MIS18A: variants seen among roughly 807,000 people sequenced by gnomAD.
The protein encoded by MIS18A is MIS18 kinetochore protein A.
A neutral mutation model predicts 25.0 loss-of-function variants in MIS18A; 14 were observed. That is an observed-to-expected ratio of 0.56 (90% CI 0.37 to 0.88). The LOEUF is 0.88. Ranked by LOEUF, MIS18A falls within the 40% of genes least tolerant of loss-of-function variation. The pLI, the probability that MIS18A is intolerant of heterozygous loss-of-function variation, is 0.00. For synonymous variants in MIS18A, 134 were observed against 118.6 expected, an observed-to-expected ratio of 1.13 and a Z score of -0.84; for missense variants, 292 against 290.8, an observed-to-expected ratio of 1.00 and a Z score of -0.03.
At chr21:32,209,268 G>A in the MIS18A span, among the ~76,000 whole-genome samples, 1 of 152,138 alleles carries the variant, frequency 6.6e-6, no homozygotes, top group Non-Finnish European at 1.5e-5. Flanking sequence ...GAAACAATTT[G>A]CCAAAGTTTA....
the MIS18A span, among the ~76,000 whole-genome samples, chr21:32,198,920 A>AG: frequency 2.0e-5 from 3 of 151,892 alleles, no homozygotes; most frequent in African/African-American, 4.8e-5. Context: ...AAAAAAAAAA[A>AG]AGAAAGAAAG....
the MIS18A span, chr21:32,261,214 A>G: frequency 2.0e-5 from 3 of 152,196 alleles, no homozygotes; most frequent in African/African-American, 7.2e-5. Context: ...GCGGGCAATC[A>G]AGAAGAAAAT....
At chr21:32,185,105 G>C in the MIS18A span, among the ~76,000 whole-genome samples, 1 of 152,078 alleles carries the variant, frequency 6.6e-6, no homozygotes, top group Non-Finnish European at 1.5e-5. Flanking sequence ...TGTCAATCAA[G>C]GGACTCTTCA....
At chr21:32,164,059 C>T in the MIS18A span, among the ~76,000 whole-genome samples, 1 of 152,044 alleles carries the variant, frequency 6.6e-6, no homozygotes, top group Non-Finnish European at 1.5e-5. Context: ...AGAGTAAGAA[C>T]TCATTCATTA....
Position 32,279,029 on chromosome 21 carries a change from CCG to C in MIS18A, c.-17_-16del. ...ACGCCTGCCATTACCTACAAATCGCCCGCGCCCCAGAGCGCCATGGGAAAAAA... is the reference window on the plus strand; with the variant it reads ...ACGCCTGCCATTACCTACAAATCGCCCGCCCCAGAGCGCCATGGGAAAAAA... On this transcript the variant is annotated 5_prime_UTR_variant, in exon 1 of 5. The change abolishes the stop of an existing upstream ORF in the 5' untranslated region. Coordinates refer to ENST00000290130, the MANE Select transcript of MIS18A (RefSeq NM_018944.3). The C allele has an allele frequency of 1.3e-6, 2 of 1,583,072 alleles. No individual in the cohort carries two copies. Among genetic ancestry groups the C allele is most frequent in the Non-Finnish European group, 1.7e-6 (2 of 1,165,322 alleles).
chr21:32,202,649 C>G, the MIS18A span, among the ~76,000 whole-genome samples: 1 of 152,194 alleles, frequency 6.6e-6, no homozygotes, highest in Admixed American at 6.5e-5. Context: ...CCACATCCCC[C>G]CTTGGCAAAA....
chr21:32,229,362 G>A, the MIS18A span, among the ~76,000 whole-genome samples: 7 of 152,194 alleles, frequency 4.6e-5, no homozygotes, highest in African/African-American at 1.4e-4. Context: ...AGGGCAATCT[G>A]GGGTTTTGTG....
At chr21:32,173,969 T>G in the MIS18A span, among the ~76,000 whole-genome samples, 4 of 56,062 alleles carry the variant, frequency 7.1e-5, no homozygotes, top group Non-Finnish European at 1.3e-4. Flanking sequence ...TTTTTTTTTT[T>G]TTTTTTTTTT....
At chr21:32,211,125 T>G in the MIS18A span, among the ~76,000 whole-genome samples, 1 of 152,074 alleles carries the variant, frequency 6.6e-6, no homozygotes, top group Non-Finnish European at 1.5e-5. Flanking sequence ...ATTGCAACAT[T>G]TGCCTCCCGG....
chr21:32,270,375 T>C (rs781248063), intron 3 of MIS18A, 32 bp downstream of exon 3: 15 of 1,612,126 alleles, frequency 9.3e-6, no homozygotes, highest in Non-Finnish European at 1.3e-5. Flanking sequence ...GAAACACCAG[T>C]TGTGAGGTAA....
chr21:32,258,561 A>C, the MIS18A span, among the ~76,000 whole-genome samples: 1 of 152,162 alleles, frequency 6.6e-6, no homozygotes, highest in African/African-American at 2.4e-5. Flanking sequence ...AAACAAAACA[A>C]AAAGTCCGAC....
the MIS18A span, among the ~76,000 whole-genome samples, chr21:32,184,817 A>G: frequency 6.6e-6 from 1 of 151,806 alleles, no homozygotes; most frequent in African/African-American, 2.4e-5. Context: ...TCAACTACTC[A>G]TTGCCACTCT....
At chr21:32,258,354 G>C in the MIS18A span, among the ~76,000 whole-genome samples, 22 of 152,212 alleles carry the variant, frequency 1.4e-4, no homozygotes, top group South Asian at 1.5e-3. Context: ...TCGGGGACGG[G>C]GGGCCTTGAC....
chr21:32,275,620 G>A (rs1474459302), intron 1 of MIS18A, among the ~76,000 whole-genome samples: 1 of 152,178 alleles, frequency 6.6e-6, no homozygotes, highest in African/African-American at 2.4e-5. Flanking sequence ...GGTAGAGGGT[G>A]AAGAGAAATG....
At chr21:32,157,326 C>T in the MIS18A span, among the ~76,000 whole-genome samples, 3 of 149,442 alleles carry the variant, frequency 2.0e-5, no homozygotes, top group Non-Finnish European at 3.0e-5. Flanking sequence ...TCCTCAGCTT[C>T]CCAAAGTGCT....
the MIS18A span, among the ~76,000 whole-genome samples, chr21:32,258,725 C>T: frequency 3.3e-5 from 5 of 152,116 alleles, no homozygotes; most frequent in African/African-American, 1.2e-4. Context: ...AAGAACTGTC[C>T]CCTAAGTCAG....
At chr21:32,258,248 T>C in the MIS18A span, among the ~76,000 whole-genome samples, 1 of 152,142 alleles carries the variant, frequency 6.6e-6, no homozygotes, top group Non-Finnish European at 1.5e-5. Flanking sequence ...CAGTGTAGAA[T>C]GCTAGTGCCT....
At chr21:32,222,989 A>C in the MIS18A span, among the ~76,000 whole-genome samples, 1 of 151,896 alleles carries the variant, frequency 6.6e-6, no homozygotes, top group Non-Finnish European at 1.5e-5. Context: ...AAACCTCACA[A>C]CTACAAGGGA....
the MIS18A span, among the ~76,000 whole-genome samples, chr21:32,191,922 G>A: frequency 6.6e-6 from 1 of 151,116 alleles, no homozygotes; most frequent in African/African-American, 2.4e-5. Context: ...AGAGAAAGAA[G>A]GAAAGAAAGA....
Sources: allele counts gnomAD v4.1 joint callset (sites outside exome capture counted in the v4.1 genomes callset), GRCh38; gene constraint gnomAD v4.1.1; transcripts MANE v1.5; gene names NCBI Gene and HGNC (gene_info 2026-07-23, HGNC 2026-07-21).